The following CADM2 variants were observed in gnomAD, a reference collection of about 807,000 sequenced individuals.
The protein encoded by CADM2 is immunoglobulin superfamily member 4D.
A neutral mutation model predicts 49.8 loss-of-function variants in CADM2; 12 were observed. That is an observed-to-expected ratio of 0.24 (90% CI 0.15 to 0.39). CADM2 has a LOEUF of 0.39. Among genes scored for constraint, CADM2 ranks in the 10% least tolerant of loss-of-function variants. The pLI is 1.00. For synonymous variants in CADM2, 214 were observed against 175.4 expected (o/e 1.22, Z -1.74); for missense variants, 378 against 492.3 (o/e 0.77, Z 2.20).
At chr3:85,248,166 T>G (rs1212045722) in intron 1 of CADM2, among the ~76,000 whole-genome samples, 1 of 152,228 alleles carries the variant, frequency 6.6e-6, no homozygotes, top group Non-Finnish European at 1.5e-5. Flanking sequence ...TAACTTTATG[T>G]TTGAATCAAA....
intron 1 of CADM2, among the ~76,000 whole-genome samples, chr3:85,032,574 G>A (rs1004175917): frequency 6.6e-6 from 1 of 152,122 alleles, no homozygotes; most frequent in Non-Finnish European, 1.5e-5. Flanking sequence ...TTTCTCTTCA[G>A]TAGTATATCT....
At chr3:85,212,876 T>TCTCTCTCTCTCTCTCTCTCTCTCTCTCTC (rs2041826930) in intron 1 of CADM2, among the ~76,000 whole-genome samples, 1 of 89,694 alleles carries the variant, frequency 1.1e-5, no homozygotes, top group Admixed American at 1.1e-4. Context: ...CTTTCTTTCT[T>TCTCTCTCTCTCTCTCTCTCTCTCTCTCTC]TCTTTCTTTC....
rs140745102 is a variant in CADM2, at chr3:85,820,012, A to T, written c.238+17816A>T. ...TCATGAAGGTGACATTGCAGCAGAC[A>T]CTCATATAAGGACAGAGAGGTAGAA... On this transcript the variant is annotated intron_variant, in intron 3 of 9. Transcript: ENST00000383699. 4.6e-3 allele frequency among the ~76,000 whole-genome samples: 703 copies of T among 152,184 alleles called. 7 individuals are homozygous for T. Among genetic ancestry groups the T allele is most frequent in the Non-Finnish European group, 7.6e-3 (519 of 68,008 alleles).
chr3:85,632,255 T>C (rs970508867), intron 1 of CADM2, among the ~76,000 whole-genome samples: 2 of 152,124 alleles, frequency 1.3e-5, no homozygotes, highest in African/African-American at 4.8e-5. Context: ...TCACATAAGA[T>C]GTGACTTGCT....
chr3:85,711,945 TC>T (rs1196114221), intron 1 of CADM2, among the ~76,000 whole-genome samples: 1 of 152,196 alleles, frequency 6.6e-6, no homozygotes, highest in African/African-American at 2.4e-5. Context: ...AGCCAGCAGC[TC>T]ACTTACCTGT....
At chr3:85,439,914 T>G (rs2037120607) in intron 1 of CADM2, among the ~76,000 whole-genome samples, 1 of 152,210 alleles carries the variant, frequency 6.6e-6, no homozygotes. Flanking sequence ...CAGGTGAGTT[T>G]ATTTAATGTA....
At chr3:85,772,845 A>G (rs2070161572) in intron 2 of CADM2, among the ~76,000 whole-genome samples, 1 of 150,704 alleles carries the variant, frequency 6.6e-6, no homozygotes, top group Admixed American at 6.6e-5. Flanking sequence ...TTAGGTGTAC[A>G]GTAACTCAGA....
rs995926349 is a variant in CADM2, at chr3:85,014,676, A to T, written c.61+55008A>T. 1.3e-5 allele frequency among the ~76,000 whole-genome samples: 2 copies of T among 152,166 alleles called. 1 individual carries two copies. The highest frequency in any genetic ancestry group is 4.1e-4 in the South Asian group (2 of 4,834). On this transcript the variant is annotated intron_variant, in intron 1 of 9. Transcript: ENST00000383699. ...CTCAGGGTCTCTCACAAGATTGCAG[A>T]GGCTATAGTCATCTCAAAGCTCAAC...
intron 1 of CADM2, among the ~76,000 whole-genome samples, chr3:85,144,813 T>A (rs2039688300): frequency 6.6e-6 from 1 of 152,218 alleles, no homozygotes; most frequent in Non-Finnish European, 1.5e-5. Flanking sequence ...TCATAATTAC[T>A]GGTAAAAATT....
chr3:85,283,187 G>T (rs2043547370), intron 1 of CADM2, among the ~76,000 whole-genome samples: 2 of 151,842 alleles, frequency 1.3e-5, no homozygotes, highest in African/African-American at 2.4e-5. Flanking sequence ...TTTATATCAG[G>T]TTTAAGCAGA....
At chr3:85,695,504 A>G (rs925317056) in intron 1 of CADM2, among the ~76,000 whole-genome samples, 5 of 151,952 alleles carry the variant, frequency 3.3e-5, no homozygotes, top group East Asian at 1.9e-4. Flanking sequence ...AGTTCCATCC[A>G]ATTTGCTGCA....
chr3:85,278,283 G>A (rs535325458), intron 1 of CADM2, among the ~76,000 whole-genome samples: 18 of 151,238 alleles, frequency 1.2e-4, no homozygotes, highest in African/African-American at 4.1e-4. Flanking sequence ...CATTATTTCC[G>A]AAGTATTCTC....
At chr3:85,667,943 TGCCA>T (rs935600704) in intron 1 of CADM2, among the ~76,000 whole-genome samples, 2 of 152,086 alleles carry the variant, frequency 1.3e-5, no homozygotes, top group African/African-American at 4.8e-5. Context: ...GCACAATAAA[TGCCA>T]GCTCTTACTA....
At chr3:86,036,779 T>C (rs1344436110) in intron 8 of CADM2, among the ~76,000 whole-genome samples, 1 of 152,204 alleles carries the variant, frequency 6.6e-6, no homozygotes, top group South Asian at 2.1e-4. Context: ...AGTCACTTTA[T>C]GTGATATATG....
intron 1 of CADM2, among the ~76,000 whole-genome samples, chr3:85,047,523 G>A (rs1005019544): frequency 6.6e-6 from 1 of 152,118 alleles, no homozygotes; most frequent in Non-Finnish European, 1.5e-5. Flanking sequence ...CCTGCAATGT[G>A]TGATGGGAGA....
chr3:85,246,485 A>G (rs1056314248), intron 1 of CADM2, among the ~76,000 whole-genome samples: 11 of 152,096 alleles, frequency 7.2e-5, no homozygotes, highest in Admixed American at 4.6e-4. Context: ...ATTTATTGTC[A>G]TTGGTACTGA....
intron 1 of CADM2, among the ~76,000 whole-genome samples, chr3:84,990,708 G>C (rs1047293496): frequency 6.6e-6 from 1 of 152,054 alleles, no homozygotes; most frequent in Non-Finnish European, 1.5e-5. Flanking sequence ...AGGAATCAAA[G>C]TGATTGATAA....
At chr3:85,639,538 G>GA (rs1443501564) in intron 1 of CADM2, among the ~76,000 whole-genome samples, 1 of 151,946 alleles carries the variant, frequency 6.6e-6, no homozygotes, top group Non-Finnish European at 1.5e-5. Flanking sequence ...TTGTCTTACT[G>GA]TTTTTTTCAT....
chr3:85,144,422 G>T, intron 1 of CADM2, among the ~76,000 whole-genome samples: 1 of 151,872 alleles, frequency 6.6e-6, no homozygotes, highest in East Asian at 1.9e-4. Flanking sequence ...ACCAGCCCTG[G>T]CCAACGTGAT....
Sources: gnomAD v4.1 joint callset for allele counts (sites outside exome capture counted in the v4.1 genomes callset) on GRCh38, gnomAD v4.1.1 for gene constraint, MANE v1.5 for transcripts, NCBI Gene and HGNC (gene_info 2026-07-23, HGNC 2026-07-21) for gene names.